The following PARVG variants were observed in gnomAD, a reference collection of about 807,000 sequenced individuals.
PARVG encodes the protein parvin gamma.
Under a neutral mutation model 44.4 loss-of-function variants are expected in PARVG, and 36 were observed. The observed-to-expected ratio is 0.81, with a 90% confidence interval of 0.62 to 1.07. The LOEUF (loss-of-function observed/expected upper bound fraction) is 1.07. PARVG is among the 50% of genes least tolerant of loss of function. The pLI is 0.00. For synonymous variants in PARVG, 170 were observed against 174.1 expected (o/e 0.98, Z 0.19); for missense variants, 407 against 407.4 (o/e 1.00, Z 0.01).
At chr22:44,200,222 G>C (rs1009716087) in intron 12 of PARVG, among the ~76,000 whole-genome samples, 10 of 152,318 alleles carry the variant, frequency 6.6e-5, no homozygotes, top group Non-Finnish European at 1.0e-4. Flanking sequence ...CCTGGCCCAT[G>C]AGAAGGGATT....
chr22:44,201,433 G>A lies in PARVG; in HGVS notation c.813+2711G>A, dbSNP rs147934820. On this transcript the variant is annotated intron_variant, in intron 12 of 13. Coordinates refer to ENST00000444313, the MANE Select transcript of PARVG (RefSeq NM_022141.7). The stretch of plus-strand genomic sequence containing the variant: ...CCGCCCGCAGCCTGCCATGTCCCTC[G>A]CCCCCACGGGGATGCATCTTGAGTG... Among the ~76,000 whole-genome samples, 101 of 151,796 alleles carry A rather than the reference G, an allele frequency of 6.7e-4. 1 individual carries two copies. The highest frequency in any genetic ancestry group is 2.3e-3 in the African/African-American group (94 of 41,384).
rs373479253 is a variant in PARVG, at chr22:44,196,202, G to C, written c.631G>C (p.Ala211Pro). The change falls in exon 10 of 14, where the codon GCA (alanine) becomes CCA (proline). Residue 211 changes from alanine to proline, a missense_variant. Ala to Pro is a conservative substitution (Grantham distance 27, BLOSUM62 -1). Transcript: ENST00000444313. ...LFKLAPEKVN[A>P]VKEAIVNFVN... ...TAAGCTGGCTCCGGAGAAAGTGAACGCAGTGAAAGAGGTAGGAGAGATCAA... is the reference window on the plus strand; with the variant it reads ...TAAGCTGGCTCCGGAGAAAGTGAACCCAGTGAAAGAGGTAGGAGAGATCAA... 3.8e-5 allele frequency: 61 copies of C among 1,614,170 alleles called. No individual in the cohort carries two copies. The African/African-American group carries it at 7.6e-4, about 20-fold the overall frequency.
intron 5 of PARVG, chr22:44,188,093 TCTGACGCCA>T (rs1265091328): frequency 2.2e-5 from 13 of 594,794 alleles, no homozygotes; most frequent in Non-Finnish European, 3.9e-5. Context: ...AGGGTGGGGC[TCTGACGCCA>T]GGGTTGGTGC....
At chr22:44,194,470 C>T (rs1205260031) in intron 9 of PARVG, among the ~76,000 whole-genome samples, 2 of 152,160 alleles carry the variant, frequency 1.3e-5, no homozygotes, top group Non-Finnish European at 1.5e-5. Flanking sequence ...TATCTACTTA[C>T]CCACTTATCC....
intron 9 of PARVG, 45 bp downstream of exon 9, chr22:44,193,868 G>T (rs375209619): frequency 6.2e-7 from 1 of 1,607,482 alleles, no homozygotes; most frequent in South Asian, 1.1e-5. Context: ...TATCTGATGC[G>T]TGTTAATGCA....
chr22:44,187,748 C>G (rs1439999017), intron 4 of PARVG, 28 bp from the exon 5 acceptor site: 3 of 1,612,208 alleles, frequency 1.9e-6, no homozygotes, highest in South Asian at 1.1e-5. Flanking sequence ...CTCCATCCCC[C>G]CAAAAGTTGT....
chr22:44,196,457 C>T (rs753275681), intron 11 of PARVG, 42 bp downstream of exon 11: 1 of 1,607,848 alleles, frequency 6.2e-7, no homozygotes, highest in East Asian at 2.2e-5. Context: ...GGCAGGGCCA[C>T]TGGCCGTAGG....
At position 44,198,617 on chromosome 22, in the gene PARVG, G is replaced by A. The variant is rs753188050; in HGVS notation, c.712-4G>A. The A allele has an allele frequency of 6.2e-7, 1 of 1,608,264 alleles. No individual in the cohort carries two copies. Among genetic ancestry groups the A allele is most frequent in the South Asian group, 1.1e-5 (1 of 90,986 alleles). ...GTGATTGTCTCCAGTTCCTTCCTTT[G>A]TAGTTTGCAGATGGGGTCATCTTAC... is the stretch of plus-strand genomic sequence containing the variant. On this transcript the variant is annotated splice_polypyrimidine_tract_variant and splice_region_variant and intron_variant, in intron 11 of 13. Transcript: ENST00000444313.
chr22:44,192,210 T>A, intron 8 of PARVG, 106 bp downstream of exon 8: 1 of 1,307,920 alleles, frequency 7.6e-7, no homozygotes, highest in Non-Finnish European at 1.1e-6. Context: ...GGAAGGGCCC[T>A]CACATTCTGT....
intron 11 of PARVG, 50 bp downstream of exon 11, chr22:44,196,465 A>G (rs2054619260): frequency 6.2e-7 from 1 of 1,603,154 alleles, no homozygotes; most frequent in Non-Finnish European, 8.5e-7. Flanking sequence ...CACTGGCCGT[A>G]GGAAGGAAAG....
rs1053732164 is a variant in PARVG at position 44,182,548 on chromosome 22, C to G, written c.-13+631C>G. On this transcript the variant is annotated intron_variant, in intron 2 of 13. Coordinates refer to ENST00000444313, the MANE Select transcript of PARVG (RefSeq NM_022141.7). This position sits in a 1 kb window ranked among gnomAD's most constrained non-coding sequence, Gnocchi z 4.6. ...CCTCCGTCTCCCACAGCTCAGGGGGCTCCCTGCTCTGGCCACCAACTTCTG... is the reference window on the plus strand; with the variant it reads ...CCTCCGTCTCCCACAGCTCAGGGGGGTCCCTGCTCTGGCCACCAACTTCTG... 6.6e-6 allele frequency among the ~76,000 whole-genome samples: 1 copy of G among 152,194 alleles called. No individual in the cohort carries two copies. The highest frequency in any genetic ancestry group is 1.5e-5 in the Non-Finnish European group (1 of 68,026).
At position 44,182,510 on chromosome 22, in the gene PARVG, A is replaced by C. The variant is rs2054397779; in HGVS notation, c.-13+593A>C. Among the ~76,000 whole-genome samples, 1 of 152,178 alleles carries C rather than the reference A, an allele frequency of 6.6e-6. No homozygotes were observed. Among genetic ancestry groups the C allele is most frequent in the African/African-American group, 2.4e-5 (1 of 41,452 alleles). ...CTGCTGGTGTGACATGGGTGGCTCC[A>C]GTCGAGTGAATGCCTCCGTCTCCCA... On this transcript the variant is annotated intron_variant, in intron 2 of 13. Coordinates refer to ENST00000444313, the MANE Select transcript of PARVG (RefSeq NM_022141.7). This position sits in a 1 kb window ranked among gnomAD's most constrained non-coding sequence, Gnocchi z 4.6.
upstream of PARVG, among the ~76,000 whole-genome samples, chr22:44,177,210 G>T (rs1048312062): frequency 1.3e-5 from 2 of 152,072 alleles, no homozygotes; most frequent in Non-Finnish European, 2.9e-5. Flanking sequence ...TTCTTTAGAC[G>T]CACACATTTA....
chr22:44,197,869 T>G (rs2054639650), intron 11 of PARVG, among the ~76,000 whole-genome samples: 1 of 152,226 alleles, frequency 6.6e-6, no homozygotes. Context: ...CAGGATGATT[T>G]CTGAGATTTA....
At chr22:44,193,867 C>A (rs766291231) in intron 9 of PARVG, 44 bp downstream of exon 9, 2 of 1,607,280 alleles carry the variant, frequency 1.2e-6, no homozygotes, top group Admixed American at 1.7e-5. Context: ...CTATCTGATG[C>A]GTGTTAATGC....
upstream of PARVG, among the ~76,000 whole-genome samples, chr22:44,178,681 A>G (rs2054340751): frequency 6.6e-6 from 1 of 152,208 alleles, no homozygotes; most frequent in Non-Finnish European, 1.5e-5. Context: ...GGATGTTTAA[A>G]AAATGTTAGT....
At chr22:44,201,511 G>A (rs2054708477) in intron 12 of PARVG, among the ~76,000 whole-genome samples, 2 of 152,308 alleles carry the variant, frequency 1.3e-5, no homozygotes, top group South Asian at 4.1e-4. Context: ...TGGTTCCCAA[G>A]AGCTGGGATG....
chr22:44,201,640 T>G (rs545407012), intron 12 of PARVG, among the ~76,000 whole-genome samples: 1 of 152,312 alleles, frequency 6.6e-6, no homozygotes, highest in East Asian at 1.9e-4. Context: ...AGCCAGCCAT[T>G]GCCACAAACG....
intron 7 of PARVG, 50 bp from the exon 8 acceptor site, chr22:44,191,999 C>A: frequency 6.3e-7 from 1 of 1,596,802 alleles, no homozygotes; most frequent in Non-Finnish European, 8.6e-7. Flanking sequence ...CTTCTTTGGG[C>A]CCCAGAGTTT....
Sources: gnomAD v4.1 joint callset for allele counts (sites outside exome capture counted in the v4.1 genomes callset) on GRCh38, gnomAD v4.1.1 for gene constraint, Gnocchi (gnomAD v3.1) non-coding constraint, MANE v1.5 for transcripts, NCBI Gene and HGNC (gene_info 2026-07-23, HGNC 2026-07-21) for gene names.